Variants in SMAP1 observed in about 807,000 individuals in gnomAD.
The protein encoded by SMAP1 is stromal membrane-associated protein 1.
A neutral mutation model predicts 58.5 loss-of-function variants in SMAP1; 24 were observed. The observed-to-expected ratio is 0.41, with a 90% CI of 0.30 to 0.58. SMAP1 has a LOEUF of 0.58. SMAP1 is among the 20% of genes least tolerant of loss of function. The probability of loss-of-function intolerance (pLI) is 0.29; values close to 1 mark genes in which losing one functional copy is unlikely to be tolerated. For synonymous variants in SMAP1, 216 were observed against 196.6 expected (o/e 1.10, Z -0.82); for missense variants, 563 against 566.3 (o/e 0.99, Z 0.06).
chr6:70,675,210 T>TG (rs1200132990), intron 1 of SMAP1, among the ~76,000 whole-genome samples: 1 of 147,716 alleles, frequency 6.8e-6, no homozygotes, highest in Non-Finnish European at 1.5e-5. Flanking sequence ...TTTTTTTTTT[T>TG]TTTTTTTTTT....
chr6:70,796,527 G>A (rs1414281361), intron 5 of SMAP1, among the ~76,000 whole-genome samples: 1 of 152,190 alleles, frequency 6.6e-6, no homozygotes, highest in Non-Finnish European at 1.5e-5. Flanking sequence ...CTTAATAAGT[G>A]GTAGTTGTGT....
chr6:70,674,542 T>C (rs1268883377), intron 1 of SMAP1, among the ~76,000 whole-genome samples: 1 of 152,226 alleles, frequency 6.6e-6, no homozygotes, highest in Non-Finnish European at 1.5e-5. Context: ...TTGTAGTTAT[T>C]ATCAGAAGAG....
chr6:70,778,749 G>T (rs1767645292), intron 4 of SMAP1, among the ~76,000 whole-genome samples: 1 of 152,246 alleles, frequency 6.6e-6, no homozygotes, highest in African/African-American at 2.4e-5. Flanking sequence ...CCCCTGGGCA[G>T]TCCATGCTGG....
chr6:70,810,542 C>G (rs1303344742), intron 6 of SMAP1, among the ~76,000 whole-genome samples: 2 of 152,084 alleles, frequency 1.3e-5, no homozygotes, highest in Non-Finnish European at 2.9e-5. Flanking sequence ...TACTTTGTCC[C>G]TTTGTCATTT....
chr6:70,847,265 A>G (rs1326157704), intron 7 of SMAP1, among the ~76,000 whole-genome samples: 1 of 152,150 alleles, frequency 6.6e-6, no homozygotes, highest in Non-Finnish European at 1.5e-5. Context: ...ACCTCTTTCT[A>G]ACATCTCTCA....
intron 2 of SMAP1, among the ~76,000 whole-genome samples, chr6:70,733,346 T>C (rs1765501016): frequency 6.6e-6 from 1 of 152,176 alleles, no homozygotes; most frequent in African/African-American, 2.4e-5. Context: ...ATTTATTTGG[T>C]TCCATCTTAA....
Position 70,761,409 on chromosome 6 carries a change from G to C in SMAP1, c.338+6344G>C, listed in dbSNP as rs148858242. On this transcript the variant is annotated intron_variant, in intron 3 of 10. Transcript: ENST00000370455. ...GACTCCCTGAAAATATTATTGTTCTGTTTCTAATTTTTTGGGTTGTATTAT... is the reference window on the plus strand; with the variant it reads ...GACTCCCTGAAAATATTATTGTTCTCTTTCTAATTTTTTGGGTTGTATTAT... 1.3e-3 allele frequency among the ~76,000 whole-genome samples: 191 copies of C among 151,970 alleles called. 1 individual carries two copies. The highest frequency in any genetic ancestry group is 4.3e-3 in the African/African-American group (179 of 41,510).
In SMAP1 at chr6:70,861,563, T is replaced by TAA; in HGVS notation, c.*1232_*1233dup. 1 of 1,101,336 alleles carries TAA rather than the reference T, an allele frequency of 9.1e-7. No homozygotes were observed. Among genetic ancestry groups the TAA allele is most frequent in the South Asian group, 1.5e-5 (1 of 68,216 alleles). The allele number at this position is 1,101,336 out of a possible 1,614,324, so 68.2% of individuals were successfully genotyped here. ...GACAAGAAAGGCTGCTGTACTGAAG[T>TAA]AAAACAAACAATACCTGAATGCTCT... On this transcript the variant is annotated 3_prime_UTR_variant, in exon 11 of 11. Transcript: ENST00000370455.
intron 1 of SMAP1, among the ~76,000 whole-genome samples, chr6:70,698,148 C>T (rs1172057279): frequency 6.6e-6 from 1 of 152,144 alleles, no homozygotes; most frequent in Non-Finnish European, 1.5e-5. Context: ...ATTTCTCCTT[C>T]ACTTGAAGGA....
intron 6 of SMAP1, among the ~76,000 whole-genome samples, chr6:70,802,230 C>T (rs1220415696): frequency 6.6e-6 from 1 of 152,182 alleles, no homozygotes; most frequent in African/African-American, 2.4e-5. Context: ...AGGTCCTTTA[C>T]ATCCCTTGTA....
At chr6:70,798,854 A>G in intron 6 of SMAP1, 117 bp downstream of exon 6, 27 of 818,554 alleles carry the variant, frequency 3.3e-5, no homozygotes, top group Non-Finnish European at 4.0e-5. Context: ...TCAACAAGCA[A>G]TTGTTGAGTG....
intron 4 of SMAP1, among the ~76,000 whole-genome samples, chr6:70,774,829 A>G (rs1767480888): frequency 6.6e-6 from 1 of 151,892 alleles, no homozygotes; most frequent in Admixed American, 6.6e-5. Context: ...CCAGGCCAAC[A>G]TGGTGAAACC....
intron 1 of SMAP1, among the ~76,000 whole-genome samples, chr6:70,676,027 G>A (rs1462150724): frequency 6.6e-6 from 1 of 152,174 alleles, no homozygotes; most frequent in Non-Finnish European, 1.5e-5. Flanking sequence ...AGCATCCCTG[G>A]TTGGCATCAT....
At chr6:70,853,808 T>C (rs1015852187) in intron 8 of SMAP1, among the ~76,000 whole-genome samples, 14 of 152,236 alleles carry the variant, frequency 9.2e-5, no homozygotes, top group African/African-American at 3.1e-4. Flanking sequence ...TAGGTGTACA[T>C]GTGACAAAAT....
chr6:70,777,718 T>G (rs1424429321), intron 4 of SMAP1, among the ~76,000 whole-genome samples: 1 of 152,050 alleles, frequency 6.6e-6, no homozygotes, highest in Non-Finnish European at 1.5e-5. Flanking sequence ...TCTACAAATT[T>G]TATAGTTTTG....
At chr6:70,854,369 C>T (rs1362096293) in intron 8 of SMAP1, among the ~76,000 whole-genome samples, 1 of 152,090 alleles carries the variant, frequency 6.6e-6, no homozygotes, top group African/African-American at 2.4e-5. Flanking sequence ...TGCCTGTAAT[C>T]CCAGCACTTT....
chr6:70,849,338 C>A (rs1258946081), intron 7 of SMAP1, among the ~76,000 whole-genome samples: 1 of 152,104 alleles, frequency 6.6e-6, no homozygotes, highest in Non-Finnish European at 1.5e-5. Context: ...GCTCCATTAA[C>A]CATGGTGGCT....
chr6:70,799,540 T>C (rs1312827421), intron 6 of SMAP1, among the ~76,000 whole-genome samples: 3 of 152,180 alleles, frequency 2.0e-5, no homozygotes, highest in African/African-American at 4.8e-5. Context: ...ACTAAGAGAA[T>C]TGTCAGTAAA....
intron 6 of SMAP1, among the ~76,000 whole-genome samples, chr6:70,813,350 C>G (rs1769472909): frequency 6.6e-6 from 1 of 151,982 alleles, no homozygotes; most frequent in Admixed American, 6.6e-5. Flanking sequence ...TCCATCCTTA[C>G]AAGTGAGAAC....
Sources: allele counts gnomAD v4.1 joint callset (sites outside exome capture counted in the v4.1 genomes callset), GRCh38; gene constraint gnomAD v4.1.1; transcripts MANE v1.5; gene names NCBI Gene and HGNC (gene_info 2026-07-23, HGNC 2026-07-21).